The following HSPA12A variants were observed in gnomAD, a reference collection of about 807,000 sequenced individuals.
The protein encoded by HSPA12A is heat shock 70 kDa protein 12A.
HSPA12A carries 28 observed loss-of-function variants against 69.2 expected under a neutral mutation model. The ratio of observed to expected loss-of-function variants is 0.40; its 90% confidence interval spans 0.30 to 0.55. The LOEUF (loss-of-function observed/expected upper bound fraction) is 0.55, where lower values mean the gene tolerates loss of function less well. Ranked by LOEUF, HSPA12A falls within the 20% of genes least tolerant of loss-of-function variation. The probability of loss-of-function intolerance (pLI) is 0.38; values close to 1 mark genes in which losing one functional copy is unlikely to be tolerated. For missense variants in HSPA12A, 686 were observed against 900.7 expected (o/e 0.76, Z 3.05); for synonymous variants, 345 against 370.5 (o/e 0.93, Z 0.79).
rs575138197 is a variant in HSPA12A at position 116,782,888 on chromosome 10, A to G, written c.91+52047T>C. ...ACACTGAGACTGACTCCCAGGCCTG[A>G]TGCCTGGCAACATACCAAGCCCAGG... On this transcript the variant is annotated intron_variant, in intron 2 of 12. Transcript: ENST00000635765. Among the ~76,000 whole-genome samples, 19 of 152,294 alleles carry G rather than the reference A, an allele frequency of 1.2e-4. 1 individual carries two copies. The South Asian group carries it at 2.5e-3, about 20-fold the overall frequency.
intron 5 of HSPA12A, among the ~76,000 whole-genome samples, chr10:116,696,809 C>T (rs577454354): frequency 9.1e-4 from 139 of 152,230 alleles, no homozygotes; most frequent in African/African-American, 3.3e-3. Context: ...GCTTTCTTCC[C>T]ACAGCTGTTT....
Position 116,771,428 on chromosome 10 carries a change from G to A in HSPA12A, c.91+63507C>T, listed in dbSNP as rs185150913. On this transcript the variant is annotated intron_variant, in intron 2 of 12. Transcript: ENST00000635765. The stretch of plus-strand genomic sequence containing the variant: ...CCAGCAAAGCCAGTGACAGGCCTGG[G>A]TGAAGGGTCACCCTCCTCCGGGAGC... 2.2e-3 allele frequency among the ~76,000 whole-genome samples: 336 copies of A among 152,344 alleles called. 3 individuals carry two copies. Among genetic ancestry groups the A allele is most frequent in the African/African-American group, 7.6e-3 (315 of 41,574 alleles).
In HSPA12A at chr10:116,674,310, A is replaced by C. The variant is rs1177158572; in HGVS notation, c.*471T>G. ...ATGATGAGGAAAAGAAATTAACTGC[A>C]GATGGGTGGCATTTTATATTGATGG... On this transcript the variant is annotated 3_prime_UTR_variant, in exon 12 of 12. Coordinates refer to ENST00000369209, the MANE Select transcript of HSPA12A (RefSeq NM_025015.3). 6.1e-6 allele frequency: 1 copy of C among 164,184 alleles called. No homozygotes were observed. The highest frequency in any genetic ancestry group is 1.3e-5 in the Non-Finnish European group (1 of 74,202). 10.2% of individuals were successfully genotyped at this position (164,184 alleles called of 1,614,324 possible). A position where few individuals can be genotyped will look rare whatever the true frequency, so the allele number is the denominator to read the frequency against.
At chr10:116,738,690 AC>A (rs1193646586) in intron 1 of HSPA12A, among the ~76,000 whole-genome samples, 1 of 152,176 alleles carries the variant, frequency 6.6e-6, no homozygotes, top group Non-Finnish European at 1.5e-5. Flanking sequence ...TTGGGACCAC[AC>A]AGGCAGATCT....
intron 2 of HSPA12A, chr10:116,832,193 G>C (rs1321282772): frequency 1.3e-5 from 2 of 152,052 alleles, no homozygotes; most frequent in African/African-American, 4.8e-5. Context: ...TTTTGAGACA[G>C]AGTCTCGCTC....
upstream of HSPA12A, chr10:116,742,645 C>T (rs1172991485): frequency 1.0e-6 from 1 of 994,016 alleles, no homozygotes; most frequent in Non-Finnish European, 1.2e-6. Context: ...CCGCCCCGGC[C>T]CGCCCGGCGC....
chr10:116,764,755 T>C (rs1388817762), intron 2 of HSPA12A, among the ~76,000 whole-genome samples: 1 of 152,214 alleles, frequency 6.6e-6, no homozygotes, highest in Non-Finnish European at 1.5e-5. Context: ...GCAAACCCTA[T>C]ATTTGACATA....
chr10:116,805,920 A>G (rs953263772), intron 2 of HSPA12A, among the ~76,000 whole-genome samples: 2 of 152,240 alleles, frequency 1.3e-5, no homozygotes, highest in African/African-American at 4.8e-5. Flanking sequence ...GAGCTAACCC[A>G]GGATGCCTGA....
intron 2 of HSPA12A, among the ~76,000 whole-genome samples, chr10:116,756,161 G>C (rs1033793614): frequency 3.9e-5 from 6 of 152,134 alleles, no homozygotes; most frequent in African/African-American, 4.8e-5. Flanking sequence ...TTCCCTTAAG[G>C]CTTTATAATC....
chr10:116,811,875 C>A (rs899675822), intron 2 of HSPA12A, among the ~76,000 whole-genome samples: 1 of 152,158 alleles, frequency 6.6e-6, no homozygotes, highest in African/African-American at 2.4e-5. Context: ...CAAGTGCCAC[C>A]GCAGGGATTC....
Position 116,689,650 on chromosome 10 carries a change from T to G in HSPA12A, c.663+2701A>C, listed in dbSNP as rs576088500. Among the ~76,000 whole-genome samples, 7 of 151,980 alleles carry G rather than the reference T, an allele frequency of 4.6e-5. No homozygotes were observed. In the South Asian group the frequency reaches 1.2e-3, roughly 27 times the overall value. ...ACAGACAGACAGACAGATAGATAATTATAAGGATTTGGCTTATGCAGTTAT... is the reference window on the plus strand; with the variant it reads ...ACAGACAGACAGACAGATAGATAATGATAAGGATTTGGCTTATGCAGTTAT... On this transcript the variant is annotated intron_variant, in intron 6 of 11. Coordinates refer to ENST00000369209, the MANE Select transcript of HSPA12A (RefSeq NM_025015.3).
Position 116,712,253 on chromosome 10 carries a change from A to G in HSPA12A, c.41-4968T>C, listed in dbSNP as rs565558318. The stretch of plus-strand genomic sequence containing the variant: ...AATAAGGTGATGAGGGTGGTTATAG[A>G]TTAACTCACAATCCTGGAACACCCC... On this transcript the variant is annotated intron_variant, in intron 1 of 11. Transcript: ENST00000369209. Among the ~76,000 whole-genome samples the G allele has an allele frequency of 2.0e-4, 30 of 152,298 alleles. No homozygotes were observed. The East Asian group carries it at 5.2e-3, about 26-fold the overall frequency.
At chr10:116,812,922 C>T (rs1010497377) in intron 2 of HSPA12A, among the ~76,000 whole-genome samples, 1 of 152,196 alleles carries the variant, frequency 6.6e-6, no homozygotes, top group African/African-American at 2.4e-5. Flanking sequence ...GACGGAACAA[C>T]ACACTCCCAC....
intron 5 of HSPA12A, among the ~76,000 whole-genome samples, chr10:116,692,871 G>A (rs1240484149): frequency 3.3e-5 from 5 of 152,158 alleles, no homozygotes; most frequent in African/African-American, 7.2e-5. Context: ...TGCTTATCAC[G>A]TATCTGCCAC....
At chr10:116,846,002 T>C (rs1481014716) in intron 1 of HSPA12A, among the ~76,000 whole-genome samples, 1 of 152,212 alleles carries the variant, frequency 6.6e-6, no homozygotes, top group Admixed American at 6.5e-5. Context: ...CACTCTGATA[T>C]AAGTGCTACT....
rs533841958 is a variant in HSPA12A at position 116,751,195 on chromosome 10, C to T, written c.92-43910G>A. Reference sequence around the variant, plus strand: ...AAACTGTCCCAAAATGTCCCTTGCTCAGAAGAAAGATCAGGTAGCTCAAAG... The same window carrying T: ...AAACTGTCCCAAAATGTCCCTTGCTTAGAAGAAAGATCAGGTAGCTCAAAG... On this transcript the variant is annotated intron_variant, in intron 2 of 12. Transcript: ENST00000635765. 7 of 241,898 alleles carry T rather than the reference C, an allele frequency of 2.9e-5. No individual in the cohort carries two copies. In the South Asian group the frequency reaches 4.2e-4, roughly 14 times the overall value. The allele number at this position is 241,898 out of a possible 1,614,324, so 15.0% of individuals were successfully genotyped here. A position where few individuals can be genotyped will look rare whatever the true frequency, so the allele number is the denominator to read the frequency against.
At position 116,676,404 on chromosome 10, in the gene HSPA12A, T is replaced by C. The variant is rs1849235879; in HGVS notation, c.1385A>G (p.His462Arg). The change falls in exon 11 of 12, where the codon CAT becomes CGT. Residue 462 changes from histidine to arginine, a missense_variant. Physicochemically the swap from His to Arg is conservative, Grantham distance 29. Transcript: ENST00000369209. ...FKPTIDSIIE[H>R]LRDLFQKPEV... ...CGAGCCTGGCTGATACTTACGGAGA[T>C]GCTCAATGATGCTATCGATGGTCGG... The C allele has an allele frequency of 1.9e-6, 3 of 1,613,202 alleles. No individual in the cohort carries two copies. The highest frequency in any genetic ancestry group is 2.5e-6 in the Non-Finnish European group (3 of 1,179,462).
intron 2 of HSPA12A, 128 bp from the exon 3 acceptor site, chr10:116,705,406 G>T: frequency 8.8e-7 from 1 of 1,140,782 alleles, no homozygotes; most frequent in South Asian, 1.3e-5. Context: ...CTATATTCCA[G>T]CTCAAGTCTA....
upstream of HSPA12A, among the ~76,000 whole-genome samples, chr10:116,746,407 G>T (rs1851650435): frequency 2.0e-5 from 3 of 152,198 alleles, no homozygotes; most frequent in Non-Finnish European, 4.4e-5. Flanking sequence ...AATTGTTGAT[G>T]GACCAGATGC....
Sources: allele counts gnomAD v4.1 joint callset (sites outside exome capture counted in the v4.1 genomes callset), GRCh38; gene constraint gnomAD v4.1.1; transcripts MANE v1.5; gene names NCBI Gene and HGNC (gene_info 2026-07-23, HGNC 2026-07-21).